The following PTPRD variants were observed in gnomAD, a reference collection of about 807,000 sequenced individuals.
PTPRD encodes the protein receptor-type tyrosine-protein phosphatase delta.
Under a neutral mutation model 214.5 loss-of-function variants are expected in PTPRD, and 34 were observed. The observed-to-expected ratio is 0.16, with a 90% confidence interval of 0.12 to 0.21. The LOEUF (loss-of-function observed/expected upper bound fraction) is 0.21, where lower values mean the gene tolerates loss of function less well. Ranked by LOEUF, PTPRD falls within the 10% of genes least tolerant of loss-of-function variation. The pLI is 1.00. For synonymous variants in PTPRD, 1,128 were observed against 845.7 expected (o/e 1.33, Z -5.79); for missense variants, 2,545 against 2,398.7 (o/e 1.06, Z -1.27).
intron 2 of PTPRD, among the ~76,000 whole-genome samples, chr9:10,409,862 C>T (rs901607588): frequency 6.6e-6 from 1 of 151,628 alleles, no homozygotes; most frequent in African/African-American, 2.4e-5. Flanking sequence ...TGTGAGTGAG[C>T]CATCTTGGAA....
chr9:10,444,970 A>T (rs1056327140), intron 2 of PTPRD, among the ~76,000 whole-genome samples: 1 of 151,986 alleles, frequency 6.6e-6, no homozygotes, highest in South Asian at 2.1e-4. Flanking sequence ...AGAAAATACA[A>T]ATGTTGTTAA....
At chr9:9,878,130 A>G (rs900887579) in intron 5 of PTPRD, among the ~76,000 whole-genome samples, 1 of 152,170 alleles carries the variant, frequency 6.6e-6, no homozygotes, top group African/African-American at 2.4e-5. Context: ...TTCTCAGGAC[A>G]TCCAGCTAGA....
chr9:8,682,536 G>T (rs12344045), intron 12 of PTPRD, among the ~76,000 whole-genome samples: 4,105 of 152,108 alleles, frequency 0.027, 117 homozygotes, highest in African/African-American at 0.065. Context: ...AAAACTATAT[G>T]AAATTATAAA....
intron 3 of PTPRD, among the ~76,000 whole-genome samples, chr9:10,114,149 G>T (rs2098712328): frequency 6.6e-6 from 1 of 152,158 alleles, no homozygotes; most frequent in Admixed American, 6.5e-5. Flanking sequence ...GGAAAGAACA[G>T]CAGTGTGCCA....
chr9:9,723,281 C>G (rs748685022), intron 7 of PTPRD, among the ~76,000 whole-genome samples: 1 of 152,058 alleles, frequency 6.6e-6, no homozygotes, highest in African/African-American at 2.4e-5. Context: ...ATATTACTTT[C>G]TCCATTGGGT....
At chr9:9,072,252 C>T (rs953792569) in intron 10 of PTPRD, among the ~76,000 whole-genome samples, 1 of 150,884 alleles carries the variant, frequency 6.6e-6, no homozygotes, top group Non-Finnish European at 1.5e-5. Flanking sequence ...AGAAAAGAGT[C>T]TTTCTCACGA....
At chr9:10,376,087 G>C (rs1488801651) in intron 2 of PTPRD, among the ~76,000 whole-genome samples, 1 of 151,926 alleles carries the variant, frequency 6.6e-6, no homozygotes, top group Admixed American at 6.6e-5. Flanking sequence ...GGCTGATAAA[G>C]TGTTGTTCAT....
chr9:8,708,715 A>T (rs2098263995), intron 12 of PTPRD, among the ~76,000 whole-genome samples: 1 of 146,114 alleles, frequency 6.8e-6, no homozygotes, highest in Middle Eastern at 3.4e-3. Flanking sequence ...CAGAGCTACC[A>T]TGTGATCCAG....
chr9:8,433,377 G>C (rs2095185116), intron 35 of PTPRD, among the ~76,000 whole-genome samples: 1 of 152,120 alleles, frequency 6.6e-6, no homozygotes, highest in African/African-American at 2.4e-5. Context: ...ACATTTTATT[G>C]TTATTTTAAA....
chr9:9,532,522 T>G (rs1166967390), intron 8 of PTPRD, among the ~76,000 whole-genome samples: 1 of 152,116 alleles, frequency 6.6e-6, no homozygotes, highest in Non-Finnish European at 1.5e-5. Flanking sequence ...GATGTAACAG[T>G]GGTCAAAAGA....
intron 2 of PTPRD, among the ~76,000 whole-genome samples, chr9:10,523,419 C>G (rs1003354906): frequency 6.6e-6 from 1 of 151,584 alleles, no homozygotes; most frequent in Non-Finnish European, 1.5e-5. Context: ...CTCAGCAAGT[C>G]TCCTACTGTT....
intron 7 of PTPRD, among the ~76,000 whole-genome samples, chr9:9,644,867 C>T (rs977135510): frequency 6.6e-6 from 1 of 152,146 alleles, no homozygotes; most frequent in African/African-American, 2.4e-5. Context: ...ACTTCACCCC[C>T]TTTCCAGCTT....
chr9:9,765,725 A>G (rs1464336394), intron 6 of PTPRD, among the ~76,000 whole-genome samples: 1 of 152,136 alleles, frequency 6.6e-6, no homozygotes, highest in East Asian at 1.9e-4. Context: ...CAGTGGCATG[A>G]TCTCGGCTCA....
At chr9:9,038,761 T>G (rs1280890928) in intron 10 of PTPRD, among the ~76,000 whole-genome samples, 1 of 152,108 alleles carries the variant, frequency 6.6e-6, no homozygotes, top group Non-Finnish European at 1.5e-5. Flanking sequence ...TTCACCATGT[T>G]GGCCAGGCTG....
chr9:9,604,682 A>G (rs1564001104), intron 7 of PTPRD, among the ~76,000 whole-genome samples: 1 of 152,052 alleles, frequency 6.6e-6, no homozygotes, highest in Non-Finnish European at 1.5e-5. Flanking sequence ...CGTTATGATT[A>G]CATTTTTAAA....
intron 11 of PTPRD, among the ~76,000 whole-genome samples, chr9:8,992,289 G>A (rs1445210516): frequency 1.3e-5 from 2 of 152,050 alleles, no homozygotes; most frequent in African/African-American, 4.8e-5. Context: ...TTTCACACTG[G>A]TTTCTCCATT....
chr9:10,086,956 C>G (rs997407021), intron 3 of PTPRD, among the ~76,000 whole-genome samples: 1 of 151,708 alleles, frequency 6.6e-6, no homozygotes, highest in East Asian at 1.9e-4. Context: ...AATATTAAGA[C>G]TGTGATTTTG....
intron 39 of PTPRD, among the ~76,000 whole-genome samples, chr9:8,364,614 AGCATGTCAAGTAATTTTTAGTGGCCTG>A (rs111314110): frequency 0.021 from 3,167 of 152,322 alleles, 118 homozygotes; most frequent in African/African-American, 0.071. Flanking sequence ...CTGCCAAGAC[AGCATGTCAAGTAATTTTTAGTGGCCTG>A]AAGTGGTTTC....
At position 10,114,323 on chromosome 9, in the gene PTPRD, A is replaced by G. The variant is rs76070474; in HGVS notation, c.-544-80533T>C. Among the ~76,000 whole-genome samples, 650 of 152,306 alleles carry G rather than the reference A, an allele frequency of 4.3e-3. 12 individuals are homozygous for G. The highest frequency in any genetic ancestry group is 0.034 in the Admixed American group (522 of 15,290). On this transcript the variant is annotated intron_variant, in intron 3 of 45. Transcript: ENST00000381196. Reference sequence around the variant, plus strand: ...AAGGAAATAGGATATGGATCAAGCAAAGAACCACTTTCGGCCAAAGCAGCA... The same window carrying G: ...AAGGAAATAGGATATGGATCAAGCAGAGAACCACTTTCGGCCAAAGCAGCA...
Sources: gnomAD v4.1 joint callset for allele counts (sites outside exome capture counted in the v4.1 genomes callset) on GRCh38, gnomAD v4.1.1 for gene constraint, MANE v1.5 for transcripts, NCBI Gene and HGNC (gene_info 2026-07-23, HGNC 2026-07-21) for gene names.